The following SLC35F4 variants were observed in gnomAD, a reference collection of about 807,000 sequenced individuals.
SLC35F4 encodes the protein solute carrier family 35 member F4, also known as chromosome 14 open reading frame 36.
Under a neutral mutation model 44.2 loss-of-function variants are expected in SLC35F4, and 24 were observed. The observed-to-expected ratio is 0.54, with a 90% CI of 0.39 to 0.76. SLC35F4 has a LOEUF of 0.76. SLC35F4 is among the 30% of genes least tolerant of loss of function. The pLI is 0.00. For synonymous variants in SLC35F4, 238 were observed against 223.6 expected, an observed-to-expected ratio of 1.06 and a Z score of -0.57; for missense variants, 562 against 586.1, an observed-to-expected ratio of 0.96 and a Z score of 0.42.
At chr14:57,836,193 C>T (rs1323288712) in intron 1 of SLC35F4, among the ~76,000 whole-genome samples, 3 of 152,160 alleles carry the variant, frequency 2.0e-5, no homozygotes, top group Non-Finnish European at 1.5e-5. Context: ...TACATACCAC[C>T]CATATTATTC....
intron 1 of SLC35F4, among the ~76,000 whole-genome samples, chr14:57,844,672 A>G (rs562772174): frequency 1.5e-4 from 23 of 152,262 alleles, no homozygotes; most frequent in Middle Eastern, 6.8e-3. Context: ...GGAAATAGAG[A>G]ATTCTTCTCA....
chr14:57,694,514 C>T (rs966244497), intron 1 of SLC35F4, among the ~76,000 whole-genome samples: 1 of 152,120 alleles, frequency 6.6e-6, no homozygotes, highest in African/African-American at 2.4e-5. Context: ...GACTATATCA[C>T]AGTTAGTTAC....
At chr14:57,968,267 T>G (rs1472508239) in intron 1 of SLC35F4, among the ~76,000 whole-genome samples, 2 of 152,228 alleles carry the variant, frequency 1.3e-5, no homozygotes, top group Non-Finnish European at 2.9e-5. Context: ...TCTACCATAT[T>G]AAATTTAAAA....
chr14:57,768,482 G>A (rs1246933005), intron 1 of SLC35F4, among the ~76,000 whole-genome samples: 1 of 152,166 alleles, frequency 6.6e-6, no homozygotes, highest in Non-Finnish European at 1.5e-5. Context: ...TATACTGGGG[G>A]TGAGGCTTCA....
At chr14:57,689,119 C>T (rs2075152330) in intron 1 of SLC35F4, among the ~76,000 whole-genome samples, 1 of 152,144 alleles carries the variant, frequency 6.6e-6, no homozygotes, top group African/African-American at 2.4e-5. Flanking sequence ...CCTATAAGTG[C>T]TTCAAATTCA....
At chr14:57,947,567 C>T (rs980711503) in intron 1 of SLC35F4, among the ~76,000 whole-genome samples, 1 of 152,042 alleles carries the variant, frequency 6.6e-6, no homozygotes, top group Non-Finnish European at 1.5e-5. Flanking sequence ...TACTATGTTA[C>T]ACTGAAGTGG....
At chr14:57,832,509 C>T (rs1884483346) in intron 1 of SLC35F4, among the ~76,000 whole-genome samples, 1 of 151,992 alleles carries the variant, frequency 6.6e-6, no homozygotes. Context: ...TTTCTTGTTA[C>T]AAAAAGAAGT....
At chr14:57,588,142 G>A (rs2069901782) in intron 3 of SLC35F4, among the ~76,000 whole-genome samples, 1 of 152,202 alleles carries the variant, frequency 6.6e-6, no homozygotes, top group South Asian at 2.1e-4. Context: ...ACTCCAGCCT[G>A]GGTGACAGAG....
chr14:57,964,985 AAAAAAAAT>A (rs1259030412), intron 1 of SLC35F4, among the ~76,000 whole-genome samples: 4 of 130,976 alleles, frequency 3.1e-5, no homozygotes, highest in Admixed American at 2.2e-4. Flanking sequence ...AAAAAAAAAA[AAAAAAAAT>A]ATATATATAT....
At chr14:57,712,033 T>C (rs976713605) in intron 1 of SLC35F4, among the ~76,000 whole-genome samples, 1 of 152,216 alleles carries the variant, frequency 6.6e-6, no homozygotes, top group African/African-American at 2.4e-5. Context: ...TAGCATGGCA[T>C]ATGGAGGTTT....
rs374853892 is a variant in SLC35F4, at chr14:57,569,607, C to T, written c.1126+181G>A. 2.6e-4 allele frequency among the ~76,000 whole-genome samples: 40 copies of T among 152,342 alleles called. 1 individual carries two copies. In the East Asian group the frequency reaches 7.1e-3, roughly 27 times the overall value. ...CATGGGAGGCATACTAGTTGGATAG[C>T]TTGAACCTAATCAACCAGTAGCTTG... On this transcript the variant is annotated intron_variant, in intron 6 of 7. Coordinates refer to ENST00000556826, the MANE Select transcript of SLC35F4 (RefSeq NM_001306087.2).
chr14:57,623,686 C>G (rs1342967584), intron 1 of SLC35F4, among the ~76,000 whole-genome samples: 2 of 152,164 alleles, frequency 1.3e-5, no homozygotes, highest in East Asian at 3.8e-4. Flanking sequence ...ACTGAACAAC[C>G]TGCCATGAAT....
chr14:57,914,641 G>A (rs1462928022), intron 1 of SLC35F4, among the ~76,000 whole-genome samples: 1 of 152,220 alleles, frequency 6.6e-6, no homozygotes, highest in Non-Finnish European at 1.5e-5. Flanking sequence ...ATTCAGGAAG[G>A]AATCTCTTTT....
At chr14:57,909,568 AC>A (rs1889175935) in intron 1 of SLC35F4, among the ~76,000 whole-genome samples, 1 of 151,564 alleles carries the variant, frequency 6.6e-6, no homozygotes, top group African/African-American at 2.4e-5. Context: ...ACACACACAC[AC>A]ACACACAAAC....
At chr14:57,646,543 T>C (rs1018850990) in intron 1 of SLC35F4, among the ~76,000 whole-genome samples, 1 of 152,188 alleles carries the variant, frequency 6.6e-6, no homozygotes, top group African/African-American at 2.4e-5. Context: ...TAGCGGTCTA[T>C]CTATTTTGTT....
intron 1 of SLC35F4, among the ~76,000 whole-genome samples, chr14:57,835,134 AGTGTTATTCACT>A (rs1884784300): frequency 6.6e-6 from 1 of 152,250 alleles, no homozygotes; most frequent in South Asian, 2.1e-4. Flanking sequence ...AAATAGAACC[AGTGTTATTCACT>A]GTGCCCATGG....
At chr14:57,606,587 A>G (rs2071180487) in intron 1 of SLC35F4, among the ~76,000 whole-genome samples, 2 of 152,302 alleles carry the variant, frequency 1.3e-5, no homozygotes, top group Admixed American at 1.3e-4. Flanking sequence ...AACTTGAACT[A>G]GCTTATTTAC....
intron 1 of SLC35F4, among the ~76,000 whole-genome samples, chr14:57,944,878 G>A (rs186202930): frequency 2.6e-4 from 39 of 152,266 alleles, no homozygotes; most frequent in Admixed American, 1.6e-3. Flanking sequence ...AATCACAAAA[G>A]GCTGCAAAAA....
At chr14:57,919,005 C>T (rs187266307) in intron 1 of SLC35F4, among the ~76,000 whole-genome samples, 108 of 152,294 alleles carry the variant, frequency 7.1e-4, no homozygotes, top group Non-Finnish European at 1.2e-3. Flanking sequence ...GACTTATTTC[C>T]TACTACTTCT....
Sources: gnomAD v4.1 joint callset for allele counts (sites outside exome capture counted in the v4.1 genomes callset) on GRCh38, gnomAD v4.1.1 for gene constraint, MANE v1.5 for transcripts, NCBI Gene and HGNC (gene_info 2026-07-23, HGNC 2026-07-21) for gene names.